Variants in SLC14A2 observed in about 807,000 individuals in gnomAD.
The protein encoded by SLC14A2 is urea transporter 2.
A neutral mutation model predicts 104.6 loss-of-function variants in SLC14A2; 91 were observed. The observed-to-expected ratio is 0.87, with a 90% CI of 0.73 to 1.04. The LOEUF is 1.04. Among genes scored for constraint, SLC14A2 ranks in the 50% least tolerant of loss-of-function variants. The pLI is 0.00. For synonymous variants in SLC14A2, 476 were observed against 466.4 expected, an observed-to-expected ratio of 1.02 and a Z score of -0.27; for missense variants, 1,189 against 1,156.0, an observed-to-expected ratio of 1.03 and a Z score of -0.41.
Position 45,624,728 on chromosome 18 carries a change from G to C in SLC14A2, c.64G>C (p.Glu22Gln). ...ACTTTCCAGCAGATACAAACTCTACGAGGCAGAGTTTACCAGCCCGAGCTG... is the reference window on the plus strand; with the variant it reads ...ACTTTCCAGCAGATACAAACTCTACCAGGCAGAGTTTACCAGCCCGAGCTG... Reference protein sequence around the residue: ...EPLSSRYKLYEAEFTSPSWPS... With the variant: ...EPLSSRYKLYQAEFTSPSWPS... The change falls in exon 2 of 20, where the codon GAG becomes CAG. Residue 22 changes from glutamate to glutamine, a missense_variant. By Grantham distance (29) the Glu-to-Gln change is conservative. Transcript: ENST00000255226. 5 of 1,613,472 alleles carry C rather than the reference G, an allele frequency of 3.1e-6. No individual in the cohort carries two copies. The highest frequency in any genetic ancestry group is 4.2e-6 in the Non-Finnish European group (5 of 1,179,700).
intron 1 of SLC14A2, among the ~76,000 whole-genome samples, chr18:45,301,771 T>A (rs969778511): frequency 1.3e-5 from 2 of 152,214 alleles, no homozygotes; most frequent in Non-Finnish European, 2.9e-5. Flanking sequence ...GTTGGAATGA[T>A]TTTGTATCCT....
At chr18:45,224,212 C>G (rs1253871241) in intron 1 of SLC14A2, among the ~76,000 whole-genome samples, 2 of 152,236 alleles carry the variant, frequency 1.3e-5, no homozygotes, top group Non-Finnish European at 2.9e-5. Flanking sequence ...GCAGCCAAAG[C>G]CTCTTGGCTG....
chr18:45,288,691 G>A (rs1164459574), intron 1 of SLC14A2, among the ~76,000 whole-genome samples: 1 of 152,196 alleles, frequency 6.6e-6, no homozygotes, highest in African/African-American at 2.4e-5. Context: ...TCCCAATTCT[G>A]AGGGTCAACT....
At chr18:45,355,367 A>G (rs2085542445) in intron 1 of SLC14A2, among the ~76,000 whole-genome samples, 1 of 151,992 alleles carries the variant, frequency 6.6e-6, no homozygotes, top group African/African-American at 2.4e-5. Context: ...CGAGGGCAGG[A>G]GTTCGAGACC....
At chr18:45,311,706 G>A (rs1358474435) in intron 1 of SLC14A2, among the ~76,000 whole-genome samples, 3 of 152,224 alleles carry the variant, frequency 2.0e-5, no homozygotes. Context: ...CACTGCATCA[G>A]CTGTTGGTAG....
chr18:45,392,590 A>C (rs1200064292), intron 1 of SLC14A2, among the ~76,000 whole-genome samples: 3 of 152,218 alleles, frequency 2.0e-5, no homozygotes, highest in Non-Finnish European at 4.4e-5. Flanking sequence ...CTTATCTAAA[A>C]TGGTAAAATA....
intron 19 of SLC14A2, among the ~76,000 whole-genome samples, chr18:45,680,281 T>C (rs918333786): frequency 2.0e-5 from 3 of 152,240 alleles, no homozygotes; most frequent in Non-Finnish European, 4.4e-5. Flanking sequence ...AAGCTGCGAT[T>C]CCTGATCATG....
At chr18:45,561,490 G>C (rs1599006920) in intron 2 of SLC14A2, among the ~76,000 whole-genome samples, 1 of 152,162 alleles carries the variant, frequency 6.6e-6, no homozygotes, top group East Asian at 1.9e-4. Flanking sequence ...GCTGGGAAAG[G>C]GTGTCCAGTC....
At chr18:45,283,225 C>T (rs930985603) in intron 1 of SLC14A2, among the ~76,000 whole-genome samples, 2 of 150,466 alleles carry the variant, frequency 1.3e-5, no homozygotes, top group Non-Finnish European at 1.5e-5. Context: ...AATTTCTGAA[C>T]ACGTCGAGTC....
chr18:45,375,916 A>G (rs2085769464), intron 1 of SLC14A2, among the ~76,000 whole-genome samples: 1 of 152,174 alleles, frequency 6.6e-6, no homozygotes, highest in Non-Finnish European at 1.5e-5. Context: ...ATATCTAACA[A>G]GCAACAGTGC....
At chr18:45,536,254 A>G (rs908025600) in intron 2 of SLC14A2, among the ~76,000 whole-genome samples, 7 of 152,230 alleles carry the variant, frequency 4.6e-5, no homozygotes. Context: ...ACAAGAAAGC[A>G]TAAAATGTGT....
intron 10 of SLC14A2, among the ~76,000 whole-genome samples, chr18:45,649,145 G>A (rs1211199405): frequency 2.6e-5 from 4 of 151,596 alleles, no homozygotes; most frequent in African/African-American, 9.7e-5. Context: ...CTGCACTCCA[G>A]CCTATGAGAG....
chr18:45,293,178 A>T (rs1348053375), intron 1 of SLC14A2, among the ~76,000 whole-genome samples: 1 of 152,194 alleles, frequency 6.6e-6, no homozygotes, highest in African/African-American at 2.4e-5. Flanking sequence ...TCCCATGGAG[A>T]ACCTTTTTTG....
At chr18:45,327,172 G>A (rs193128701) in intron 1 of SLC14A2, among the ~76,000 whole-genome samples, 12 of 151,966 alleles carry the variant, frequency 7.9e-5, no homozygotes, top group Non-Finnish European at 1.5e-4. Context: ...TTTAAGCAAG[G>A]TTCTAAGCAC....
chr18:45,678,933 T>C (rs1464030849), intron 18 of SLC14A2, 42 bp from the exon 19 acceptor site: 1 of 1,554,696 alleles, frequency 6.4e-7, no homozygotes, highest in Non-Finnish European at 8.7e-7. Flanking sequence ...TGCTATTAAA[T>C]AGTTACTGGT....
At chr18:45,177,875 A>G in the SLC14A2 span, among the ~76,000 whole-genome samples, 3 of 152,210 alleles carry the variant, frequency 2.0e-5, no homozygotes, top group Admixed American at 6.5e-5. Flanking sequence ...CGAAGTAAAG[A>G]TTTTTAGATG....
chr18:45,245,763 A>G (rs570241665), intron 1 of SLC14A2, among the ~76,000 whole-genome samples: 1 of 151,588 alleles, frequency 6.6e-6, no homozygotes, highest in Admixed American at 6.6e-5. Context: ...AATACTATCC[A>G]CTCACTCAGT....
At chr18:45,583,934 GTAATCACAT>G (rs1396164120) in intron 2 of SLC14A2, among the ~76,000 whole-genome samples, 1 of 152,146 alleles carries the variant, frequency 6.6e-6, no homozygotes, top group Admixed American at 6.5e-5. Flanking sequence ...TAATTTTCTG[GTAATCACAT>G]TAAAAATTGT....
chr18:45,538,075 G>GC (rs2043822866), intron 2 of SLC14A2, among the ~76,000 whole-genome samples: 1 of 152,218 alleles, frequency 6.6e-6, no homozygotes, highest in African/African-American at 2.4e-5. Context: ...AGCTGGGTTT[G>GC]CCAATGGAGT....
Sources: gnomAD v4.1 joint callset for allele counts (sites outside exome capture counted in the v4.1 genomes callset) on GRCh38, gnomAD v4.1.1 for gene constraint, MANE v1.5 for transcripts, NCBI Gene and HGNC (gene_info 2026-07-23, HGNC 2026-07-21) for gene names.